The following MAN2A1 variants were observed in gnomAD, a reference collection of about 807,000 sequenced individuals.
The protein encoded by MAN2A1 is alpha-mannosidase 2.
In MAN2A1, 76 loss-of-function variants were observed where a neutral mutation model predicts 142.6. That is an observed-to-expected ratio of 0.53 (90% confidence interval 0.44 to 0.65). The LOEUF is 0.65. MAN2A1 is among the 30% of genes least tolerant of loss of function. The probability of loss-of-function intolerance (pLI) is 0.00; values close to 1 mark genes in which losing one functional copy is unlikely to be tolerated. For missense variants in MAN2A1, 1,311 were observed against 1,365.1 expected, an observed-to-expected ratio of 0.96 and a Z score of 0.62; for synonymous variants, 559 against 473.2, an observed-to-expected ratio of 1.18 and a Z score of -2.35.
intron 1 of MAN2A1, among the ~76,000 whole-genome samples, chr5:109,707,775 A>T (rs1340619500): frequency 6.6e-6 from 1 of 152,090 alleles, no homozygotes; most frequent in Non-Finnish European, 1.5e-5. Context: ...AGAGAAAGAG[A>T]TATTCAGTCC....
At chr5:109,806,751 T>C (rs1342436585) in intron 12 of MAN2A1, among the ~76,000 whole-genome samples, 2 of 152,360 alleles carry the variant, frequency 1.3e-5, no homozygotes, top group Admixed American at 6.5e-5. Flanking sequence ...TTTTAGGTAC[T>C]GTGGTCATAC....
intron 4 of MAN2A1, among the ~76,000 whole-genome samples, chr5:109,739,415 T>A (rs1752201345): frequency 6.6e-6 from 1 of 152,198 alleles, no homozygotes; most frequent in South Asian, 2.1e-4. Context: ...ACGTTGTTAT[T>A]GTGTCTCTAG....
At chr5:109,862,286 A>T (rs1396388238) in intron 20 of MAN2A1, 2 of 152,150 alleles carry the variant, frequency 1.3e-5, no homozygotes, top group African/African-American at 2.4e-5. Flanking sequence ...AAACCAAATC[A>T]TCTTTCCCCA....
At chr5:109,831,274 A>C (rs1754899600) in intron 16 of MAN2A1, among the ~76,000 whole-genome samples, 1 of 152,228 alleles carries the variant, frequency 6.6e-6, no homozygotes, top group Non-Finnish European at 1.5e-5. Flanking sequence ...TCTACTTACA[A>C]GAGTGAGTGA....
intron 19 of MAN2A1, among the ~76,000 whole-genome samples, chr5:109,849,850 C>T (rs1755440009): frequency 6.6e-6 from 1 of 152,146 alleles, no homozygotes; most frequent in Admixed American, 6.5e-5. Flanking sequence ...CTGCATGTCC[C>T]CTAGGCATTG....
At chr5:109,710,262 C>T (rs770823869) in intron 1 of MAN2A1, among the ~76,000 whole-genome samples, 10 of 152,088 alleles carry the variant, frequency 6.6e-5, no homozygotes, top group Non-Finnish European at 1.2e-4. Context: ...ACTAACTCCT[C>T]TAGCTAATGT....
At chr5:109,837,701 C>G (rs1188388244) in intron 16 of MAN2A1, among the ~76,000 whole-genome samples, 1 of 152,154 alleles carries the variant, frequency 6.6e-6, no homozygotes, top group Non-Finnish European at 1.5e-5. Flanking sequence ...GTTTACCACC[C>G]TTCACTCAGT....
intron 20 of MAN2A1, among the ~76,000 whole-genome samples, chr5:109,861,720 G>C (rs1017806221): frequency 1.3e-5 from 2 of 152,176 alleles, no homozygotes; most frequent in African/African-American, 2.4e-5. Flanking sequence ...AGGTGTGTCT[G>C]AGTCCAGATG....
chr5:109,714,581 C>T (rs1050692068), intron 2 of MAN2A1, among the ~76,000 whole-genome samples: 6 of 152,178 alleles, frequency 3.9e-5, no homozygotes, highest in Admixed American at 2.0e-4. Context: ...GAGTGTTTCA[C>T]TCACATTGGC....
Position 109,867,084 on chromosome 5 carries a change from C to T in MAN2A1, c.*86C>T, listed in dbSNP as rs1398880271. 9.7e-7 allele frequency: 1 copy of T among 1,031,520 alleles called. No individual in the cohort carries two copies. Among genetic ancestry groups the T allele is most frequent in the African/African-American group, 1.7e-5 (1 of 58,254 alleles). 63.9% of individuals were successfully genotyped at this position (1,031,520 alleles called of 1,614,324 possible). On this transcript the variant is annotated 3_prime_UTR_variant, in exon 22 of 22. Transcript: ENST00000261483. ...GCAATAAAGAAGCACATTATTTTAG[C>T]TTCTGGCTACTGTGAGAACATGAAT...
At chr5:109,696,874 G>T (rs560422122) in intron 1 of MAN2A1, among the ~76,000 whole-genome samples, 1 of 152,296 alleles carries the variant, frequency 6.6e-6, no homozygotes, top group East Asian at 1.9e-4. Flanking sequence ...TTCTCAGGAT[G>T]CCTGAAATTC....
intron 4 of MAN2A1, among the ~76,000 whole-genome samples, chr5:109,735,277 A>T (rs1403133733): frequency 1.3e-5 from 2 of 152,010 alleles, no homozygotes; most frequent in African/African-American, 4.8e-5. Flanking sequence ...TCTGCACGTG[A>T]GATGGGTTTC....
At chr5:109,798,050 TGAA>T (rs139782148) in intron 12 of MAN2A1, among the ~76,000 whole-genome samples, 8,192 of 152,214 alleles carry the variant, frequency 0.054, 226 homozygotes, top group Non-Finnish European at 0.064. Flanking sequence ...CAATTAAAAA[TGAA>T]GAATTAAAAA....
At chr5:109,804,245 A>G in intron 12 of MAN2A1, 11 of 987,482 alleles carry the variant, frequency 1.1e-5, no homozygotes, top group Non-Finnish European at 1.3e-5. Context: ...CTTCAAGCCC[A>G]TCTTGGACTT....
chr5:109,819,731 A>G lies in MAN2A1; in HGVS notation c.2172A>G (p.Ala724=), dbSNP rs566214098. 1.2e-6 allele frequency: 2 copies of G among 1,612,654 alleles called. No individual in the cohort carries two copies. Among genetic ancestry groups the G allele is most frequent in the South Asian group, 2.2e-5 (2 of 90,802 alleles). Residue 724 remains alanine, a synonymous_variant, in exon 14 of 22, where the codon GCA becomes GCG. Coordinates refer to ENST00000261483, the MANE Select transcript of MAN2A1 (RefSeq NM_002372.4). ...AAGTGTATAAGATTTTGGAATCAGC[A>G]AGTTCAAATTCACATTTAGCTGATT... ...GLKVYKILES[A]SSNSHLADYV...
In MAN2A1 at chr5:109,754,569, A is replaced by G. The variant is rs142733617; in HGVS notation, c.708-760A>G. ...TGATCAACTTATCAGTGTCAGAAGG[A>G]CTAAAGTAAATATTGATTTTTTGAT... On this transcript the variant is annotated intron_variant, in intron 4 of 21. Coordinates refer to ENST00000261483, the MANE Select transcript of MAN2A1 (RefSeq NM_002372.4). Among the ~76,000 whole-genome samples, 976 of 152,336 alleles carry G rather than the reference A, an allele frequency of 6.4e-3. 12 individuals carry two copies. Among genetic ancestry groups the G allele is most frequent in the Non-Finnish European group, 8.1e-3 (548 of 68,032 alleles).
At chr5:109,820,183 TG>T in intron 14 of MAN2A1, 36 bp from the exon 15 acceptor site, 2 of 1,545,720 alleles carry the variant, frequency 1.3e-6, no homozygotes, top group Non-Finnish European at 1.8e-6. Context: ...AACATCTTAG[TG>T]GTGAGTTGCT....
At chr5:109,863,786 T>A (rs1397790099) in intron 20 of MAN2A1, 1 of 152,226 alleles carries the variant, frequency 6.6e-6, no homozygotes, top group African/African-American at 2.4e-5. Flanking sequence ...GTGTTTTAAA[T>A]GTATTGAAAT....
chr5:109,857,975 T>A (rs80017649), intron 20 of MAN2A1, among the ~76,000 whole-genome samples: 2,396 of 152,304 alleles, frequency 0.016, 59 homozygotes, highest in African/African-American at 0.055. Flanking sequence ...GACGAAATCC[T>A]ATTGTGAAAG....
Sources: allele counts gnomAD v4.1 joint callset (sites outside exome capture counted in the v4.1 genomes callset), GRCh38; gene constraint gnomAD v4.1.1; transcripts MANE v1.5; gene names NCBI Gene and HGNC (gene_info 2026-07-23, HGNC 2026-07-21).